The following VCAN variants were observed in gnomAD, a reference collection of about 807,000 sequenced individuals.
VCAN encodes the protein versican.
A neutral mutation model predicts 245.5 loss-of-function variants in VCAN; 44 were observed. That is an observed-to-expected ratio of 0.18 (90% CI 0.14 to 0.23). The LOEUF (loss-of-function observed/expected upper bound fraction) is 0.23, where lower values mean the gene tolerates loss of function less well. Among genes scored for constraint, VCAN ranks in the 10% least tolerant of loss-of-function variants. VCAN has a pLI of 1.00. For synonymous variants in VCAN, 1,413 were observed against 1,437.0 expected (o/e 0.98, Z 0.38); for missense variants, 3,793 against 4,057.9 (o/e 0.93, Z 1.77).
At chr5:83,569,867 T>A (rs1044107713) in intron 12 of VCAN, among the ~76,000 whole-genome samples, 1 of 152,146 alleles carries the variant, frequency 6.6e-6, no homozygotes, top group Non-Finnish European at 1.5e-5. Context: ...GGTTTTTAAT[T>A]TTTATCCTAC....
intron 1 of VCAN, among the ~76,000 whole-genome samples, chr5:83,482,450 G>A (rs918128642): frequency 5.9e-5 from 9 of 152,200 alleles, no homozygotes; most frequent in Non-Finnish European, 1.0e-4. Context: ...ATCATCCCTT[G>A]GGCTGGGGTT....
chr5:83,525,653 T>C (rs1405315678), intron 7 of VCAN, among the ~76,000 whole-genome samples: 1 of 152,184 alleles, frequency 6.6e-6, no homozygotes, highest in Non-Finnish European at 1.5e-5. Context: ...CTTGATGCTG[T>C]CTTGTTAGGT....
chr5:83,556,897 A>G (rs1324631594), intron 12 of VCAN, among the ~76,000 whole-genome samples: 1 of 152,144 alleles, frequency 6.6e-6, no homozygotes, highest in African/African-American at 2.4e-5. Context: ...TGTGTACTTC[A>G]TTCTCATGGA....
chr5:83,573,598 G>A (rs1748371084), intron 13 of VCAN, among the ~76,000 whole-genome samples: 1 of 152,066 alleles, frequency 6.6e-6, no homozygotes, highest in Non-Finnish European at 1.5e-5. Context: ...ATTTATTAGA[G>A]AAACATATAA....
Position 83,559,442 on chromosome 5 carries a change from C to T in VCAN, c.9735+4404C>T, listed in dbSNP as rs1747783694. On this transcript the variant is annotated intron_variant, in intron 12 of 14. Transcript: ENST00000265077. ...ACCAATCCACTCCGTCTGCCACTTC[C>T]TGAGCTATAGCATCTCAAAATACTC... is the stretch of plus-strand genomic sequence containing the variant. Among the ~76,000 whole-genome samples the T allele has an allele frequency of 2.0e-5, 3 of 152,120 alleles. No homozygotes were observed. The South Asian group carries it at 6.2e-4, about 32-fold the overall frequency.
At chr5:83,512,554 A>G (rs1745702278) in intron 6 of VCAN, 158 bp downstream of exon 6, 7 of 956,722 alleles carry the variant, frequency 7.3e-6, no homozygotes, top group Non-Finnish European at 1.1e-5. Context: ...CAAACTGAAC[A>G]GCAGTGATAT....
intron 1 of VCAN, among the ~76,000 whole-genome samples, chr5:83,481,661 G>C (rs1370592059): frequency 6.6e-6 from 1 of 152,070 alleles, no homozygotes; most frequent in African/African-American, 2.4e-5. Flanking sequence ...GTTTTTCATT[G>C]TGAATTATCA....
intron 7 of VCAN, among the ~76,000 whole-genome samples, chr5:83,528,470 C>T (rs1746385661): frequency 6.6e-6 from 1 of 152,012 alleles, no homozygotes. Context: ...TGGCCTGCTT[C>T]AGAAGCTGAA....
At chr5:83,534,758 G>A (rs957114358) in intron 7 of VCAN, among the ~76,000 whole-genome samples, 1 of 151,952 alleles carries the variant, frequency 6.6e-6, no homozygotes, top group East Asian at 1.9e-4. Context: ...CTCCTGGCTT[G>A]GATAAAATTA....
chr5:83,500,911 C>T (rs529537285), intron 5 of VCAN, among the ~76,000 whole-genome samples: 1 of 152,234 alleles, frequency 6.6e-6, no homozygotes, highest in African/African-American at 2.4e-5. Context: ...GTGGCTGTAC[C>T]ATTTTACATT....
chr5:83,570,164 G>T (rs917106084), intron 12 of VCAN, among the ~76,000 whole-genome samples: 4 of 151,910 alleles, frequency 2.6e-5, no homozygotes, highest in Non-Finnish European at 4.4e-5. Flanking sequence ...AGGCCATTTG[G>T]AGAGTAACAC....
Position 83,510,975 on chromosome 5 carries a change from G to A in VCAN, c.749-1128G>A, listed in dbSNP as rs566793540. 1.1e-4 allele frequency among the ~76,000 whole-genome samples: 16 copies of A among 152,156 alleles called. 1 individual carries two copies. Among genetic ancestry groups the A allele is most frequent in the Admixed American group, 1.0e-3 (16 of 15,294 alleles). On this transcript the variant is annotated intron_variant, in intron 5 of 14. Transcript: ENST00000265077. ...CTAAAAATACAAAAATTAGCTGGGC[G>A]TGGTGGCAGGTGCCTGTAATCCCAG...
intron 12 of VCAN, among the ~76,000 whole-genome samples, chr5:83,558,618 G>T (rs1427657354): frequency 6.6e-6 from 1 of 152,022 alleles, no homozygotes; most frequent in Non-Finnish European, 1.5e-5. Flanking sequence ...ATTAAACTTT[G>T]CTTTCAATAA....
At chr5:83,555,466 T>C (rs752955230) in intron 12 of VCAN, among the ~76,000 whole-genome samples, 6 of 152,160 alleles carry the variant, frequency 3.9e-5, no homozygotes, top group Admixed American at 6.5e-5. Flanking sequence ...CAAGCAAAAA[T>C]ATCCATTTAT....
chr5:83,554,085 T>C (rs1747573165), intron 11 of VCAN, among the ~76,000 whole-genome samples: 1 of 152,242 alleles, frequency 6.6e-6, no homozygotes, highest in Admixed American at 6.5e-5. Flanking sequence ...AAACTTAATA[T>C]CAGAGCTGTT....
At chr5:83,511,160 G>A (rs1276608015) in intron 5 of VCAN, among the ~76,000 whole-genome samples, 6 of 150,062 alleles carry the variant, frequency 4.0e-5, no homozygotes, top group Non-Finnish European at 8.9e-5. Context: ...TTTTTTTTTC[G>A]AGACGGAGTC....
chr5:83,490,849 C>T (rs529947347), intron 3 of VCAN, among the ~76,000 whole-genome samples: 2 of 152,274 alleles, frequency 1.3e-5, no homozygotes, highest in South Asian at 4.1e-4. Context: ...TGCACATGTA[C>T]ATACATATAC....
At chr5:83,552,651 G>GACAC (rs145238240) in intron 10 of VCAN, among the ~76,000 whole-genome samples, 11 of 151,704 alleles carry the variant, frequency 7.3e-5, no homozygotes, top group African/African-American at 2.7e-4. Flanking sequence ...CACACACACA[G>GACAC]ACACACACAC....
At chr5:83,475,981 C>T (rs1191282030) in intron 1 of VCAN, among the ~76,000 whole-genome samples, 1 of 152,154 alleles carries the variant, frequency 6.6e-6, no homozygotes, top group African/African-American at 2.4e-5. Context: ...TCTTCTTTTT[C>T]CCTGTGTTTG....
Sources: gnomAD v4.1 joint callset for allele counts (sites outside exome capture counted in the v4.1 genomes callset) on GRCh38, gnomAD v4.1.1 for gene constraint, MANE v1.5 for transcripts, NCBI Gene and HGNC (gene_info 2026-07-23, HGNC 2026-07-21) for gene names.